The following IQCM variants were observed in gnomAD, a reference collection of about 807,000 sequenced individuals.
IQCM encodes the protein IQ domain-containing protein M.
A neutral mutation model predicts 57.6 loss-of-function variants in IQCM; 45 were observed. That is an observed-to-expected ratio of 0.78 (90% CI 0.62 to 1.00). IQCM has a LOEUF of 1.00. IQCM is among the 50% of genes least tolerant of loss of function. The pLI is 0.00. For synonymous variants in IQCM, 148 were observed against 158.9 expected (o/e 0.93, Z 0.51); for missense variants, 468 against 511.6 (o/e 0.91, Z 0.82).
chr4:149,592,562 GTTTTCT>G (rs1753304147), intron 8 of IQCM, among the ~76,000 whole-genome samples: 3 of 151,846 alleles, frequency 2.0e-5, no homozygotes, highest in Admixed American at 2.0e-4. Flanking sequence ...TATTGCCTAG[GTTTTCT>G]TCTAGGGTTT....
chr4:149,554,994 C>T (rs566491886), intron 10 of IQCM, among the ~76,000 whole-genome samples: 1 of 152,074 alleles, frequency 6.6e-6, no homozygotes, highest in African/African-American at 2.4e-5. Context: ...CCACTGCACC[C>T]GGCCCATATT....
intron 12 of IQCM, among the ~76,000 whole-genome samples, chr4:149,513,197 A>C (rs1485175606): frequency 6.6e-6 from 1 of 152,212 alleles, no homozygotes; most frequent in Non-Finnish European, 1.5e-5. Flanking sequence ...AAAACTTGGA[A>C]AATATACTCA....
chr4:149,400,682 A>T (rs970108278), intron 13 of IQCM, among the ~76,000 whole-genome samples: 4 of 152,014 alleles, frequency 2.6e-5, no homozygotes, highest in African/African-American at 4.8e-5. Flanking sequence ...AAAAATAACT[A>T]AATTAATATA....
chr4:149,579,270 T>G (rs1029206337), intron 9 of IQCM, among the ~76,000 whole-genome samples: 2 of 151,750 alleles, frequency 1.3e-5, no homozygotes, highest in Admixed American at 6.6e-5. Context: ...ATTATGTGTA[T>G]CCCATGCTTA....
intron 13 of IQCM, among the ~76,000 whole-genome samples, chr4:149,356,126 C>T (rs1015849789): frequency 1.5e-4 from 23 of 152,044 alleles, no homozygotes; most frequent in South Asian, 1.5e-3. Flanking sequence ...TTGAGTTCAT[C>T]GTAGATTCTG....
At chr4:149,655,299 C>T (rs1381485596) in intron 7 of IQCM, among the ~76,000 whole-genome samples, 1 of 152,012 alleles carries the variant, frequency 6.6e-6, no homozygotes, top group African/African-American at 2.4e-5. Flanking sequence ...CAGGAGATAC[C>T]TCAATTTCAG....
intron 7 of IQCM, among the ~76,000 whole-genome samples, chr4:149,644,654 T>A (rs1758489203): frequency 6.6e-6 from 1 of 152,198 alleles, no homozygotes; most frequent in East Asian, 1.9e-4. Flanking sequence ...TGTATGTTCA[T>A]CCTGGGGTAC....
At chr4:149,473,345 A>G (rs182259122) in intron 12 of IQCM, among the ~76,000 whole-genome samples, 3 of 152,240 alleles carry the variant, frequency 2.0e-5, no homozygotes, top group Non-Finnish European at 4.4e-5. Context: ...CAAAGAAGAC[A>G]TTTATGCAGC....
At chr4:149,690,940 C>T (rs1400427781) in intron 5 of IQCM, 1 of 152,060 alleles carries the variant, frequency 6.6e-6, no homozygotes, top group African/African-American at 2.4e-5. Flanking sequence ...CCTGGAACTT[C>T]AGGGGATTCA....
chr4:149,564,275 T>C (rs1285926716), intron 9 of IQCM, among the ~76,000 whole-genome samples: 1 of 152,368 alleles, frequency 6.6e-6, no homozygotes, highest in East Asian at 1.9e-4. Context: ...GGCACTGATA[T>C]GCTGTTAACC....
chr4:149,670,230 C>T (rs762131248), intron 7 of IQCM, among the ~76,000 whole-genome samples: 7 of 151,902 alleles, frequency 4.6e-5, no homozygotes, highest in Non-Finnish European at 5.9e-5. Context: ...TTTTATTCTC[C>T]TTGAAGCAAT....
At chr4:149,419,174 C>T (rs765943705) in intron 13 of IQCM, among the ~76,000 whole-genome samples, 12 of 151,878 alleles carry the variant, frequency 7.9e-5, no homozygotes, top group Non-Finnish European at 1.0e-4. Flanking sequence ...AAAAGAGCTC[C>T]TATAGCCAAG....
intron 13 of IQCM, among the ~76,000 whole-genome samples, chr4:149,356,211 G>A (rs1042242136): frequency 3.9e-5 from 6 of 152,068 alleles, no homozygotes; most frequent in Admixed American, 3.9e-4. Flanking sequence ...TCACTCTGAT[G>A]GTGGTTTCTT....
At chr4:149,694,434 A>G (rs948119091) in intron 5 of IQCM, among the ~76,000 whole-genome samples, 1 of 151,174 alleles carries the variant, frequency 6.6e-6, no homozygotes, top group African/African-American at 2.4e-5. Flanking sequence ...ATTTCTTTCC[A>G]TTACTTTCTC....
intron 12 of IQCM, among the ~76,000 whole-genome samples, chr4:149,452,036 T>C (rs1374035070): frequency 6.6e-6 from 1 of 151,754 alleles, no homozygotes; most frequent in Non-Finnish European, 1.5e-5. Context: ...ACAAGCTAAA[T>C]ATTTAAAAAT....
chr4:149,445,036 A>C (rs1228965323), intron 12 of IQCM, among the ~76,000 whole-genome samples: 3 of 151,946 alleles, frequency 2.0e-5, no homozygotes, highest in Admixed American at 2.0e-4. Flanking sequence ...TGTATAATAC[A>C]CTGTGACTGG....
At chr4:149,553,427 C>A in intron 10 of IQCM, 140 bp from the exon 11 acceptor site, 1 of 538,456 alleles carries the variant, frequency 1.9e-6, no homozygotes, top group Non-Finnish European at 2.8e-6. Flanking sequence ...GCTAAATATA[C>A]GCATTGTAGA....
chr4:149,429,271 A>C (rs192552577), intron 13 of IQCM, among the ~76,000 whole-genome samples: 192 of 152,062 alleles, frequency 1.3e-3, no homozygotes, highest in African/African-American at 4.4e-3. Context: ...ACGGAAGATA[A>C]GTTAAAAGAC....
intron 9 of IQCM, among the ~76,000 whole-genome samples, chr4:149,574,137 T>C (rs1210231239): frequency 2.0e-5 from 3 of 151,856 alleles, no homozygotes; most frequent in African/African-American, 7.2e-5. Flanking sequence ...AGATGAGATA[T>C]GAGAAATGTA....
Sources: allele counts gnomAD v4.1 joint callset (sites outside exome capture counted in the v4.1 genomes callset), GRCh38; gene constraint gnomAD v4.1.1; transcripts MANE v1.5; gene names NCBI Gene and HGNC (gene_info 2026-07-23, HGNC 2026-07-21).